TREH: variants seen among roughly 807,000 people sequenced by gnomAD.
TREH encodes the protein trehalase.
TREH carries 69 observed loss-of-function variants against 80.5 expected under a neutral mutation model. The observed-to-expected ratio is 0.86, with a 90% CI of 0.71 to 1.05. The LOEUF is 1.05. Among genes scored for constraint, TREH ranks in the 50% least tolerant of loss-of-function variants. The pLI is 0.00. For synonymous variants in TREH, 309 were observed against 293.5 expected, an observed-to-expected ratio of 1.05 and a Z score of -0.54; for missense variants, 716 against 718.8, an observed-to-expected ratio of 1.00 and a Z score of 0.04.
At chr11:118,668,304 AT>A (rs1555145865) in intron 1 of TREH, among the ~76,000 whole-genome samples, 26 of 144,082 alleles carry the variant, frequency 1.8e-4, no homozygotes, top group African/African-American at 2.6e-4. Flanking sequence ...AAAAAAAAAA[AT>A]AAAACTATGG....
chr11:118,671,926 A>T (rs1454759910), intron 1 of TREH, among the ~76,000 whole-genome samples: 3 of 152,138 alleles, frequency 2.0e-5, no homozygotes, highest in Non-Finnish European at 2.9e-5. Context: ...TGCTGAAGGA[A>T]AAAAAAACTT....
intron 10 of TREH, 79 bp from the exon 11 acceptor site, chr11:118,660,043 C>G: frequency 7.4e-7 from 1 of 1,344,830 alleles, no homozygotes; most frequent in Non-Finnish European, 1.0e-6. Context: ...TCTACTTTAG[C>G]CTCCCCGCTT....
chr11:118,668,114 C>T (rs1565528809), intron 1 of TREH, among the ~76,000 whole-genome samples: 1 of 152,198 alleles, frequency 6.6e-6, no homozygotes, highest in Non-Finnish European at 1.5e-5. Flanking sequence ...ATCCAGCTGC[C>T]TCGACCTCCT....
chr11:118,678,470 T>C (rs1949502106), intron 1 of TREH, among the ~76,000 whole-genome samples: 1 of 151,948 alleles, frequency 6.6e-6, no homozygotes, highest in Admixed American at 6.6e-5. Context: ...TTCAAGCGAC[T>C]CTCCTGCCTC....
rs782434922 is a variant in TREH at position 118,674,861 on chromosome 11, A to G, written c.89+4678T>C. 1.3e-5 allele frequency among the ~76,000 whole-genome samples: 2 copies of G among 151,964 alleles called. No homozygotes were observed. Among genetic ancestry groups the G allele is most frequent in the Non-Finnish European group, 1.5e-5 (1 of 67,992 alleles). ...CTGGCTGCATTTTTATATTCTCTCA[A>G]TCTCATTGCAGTGCCCATCAGGACT... On this transcript the variant is annotated intron_variant, in intron 1 of 14. Coordinates refer to ENST00000264029, the MANE Select transcript of TREH (RefSeq NM_007180.3). The surrounding 1 kb of genome is among the most constrained non-coding windows in gnomAD (Gnocchi z 4.4).
intron 1 of TREH, among the ~76,000 whole-genome samples, chr11:118,678,125 C>T (rs1367268479): frequency 2.6e-5 from 4 of 152,130 alleles, no homozygotes; most frequent in Non-Finnish European, 5.9e-5. Flanking sequence ...TCACACAGGC[C>T]TTCGTCCCAA....
intron 1 of TREH, among the ~76,000 whole-genome samples, chr11:118,676,822 A>G (rs531390959): frequency 7.5e-4 from 111 of 148,510 alleles, no homozygotes; most frequent in African/African-American, 2.7e-3. Flanking sequence ...ATCAGGGACC[A>G]CTATTAATAA....
rs1949298868 is a variant in TREH, at chr11:118,659,942, C to T, written c.1125G>A (p.Lys375=). The change falls in exon 11 of 15, where the codon AAG becomes AAA. Residue 375 remains lysine, a synonymous_variant. Coordinates refer to ENST00000264029, the MANE Select transcript of TREH (RefSeq NM_007180.3). ...AGCGCTGCGACCGCAGGATTCTGTA[C>T]TTCGTGGCCTGGGAGTCGTTCCCTG... is the stretch of plus-strand genomic sequence containing the variant. The part of the protein sequence containing the change: ...SRLGNDSQAT[K]YRILRSQRLA... 10 of 1,551,608 alleles carry T rather than the reference C, an allele frequency of 6.4e-6. No homozygotes were observed. The highest frequency in any genetic ancestry group is 8.7e-6 in the Non-Finnish European group (10 of 1,147,010).
At position 118,659,924 on chromosome 11, in the gene TREH, C is replaced by T. The variant is rs1364155821; in HGVS notation, c.1143G>A (p.Ser381=). ...SQATKYRILR[S]QRLAALNTVL... Reference sequence around the variant, plus strand: ...CTGTGTTCAGGGCGGCCAAGCGCTGCGACCGCAGGATTCTGTACTTCGTGG... The same window carrying T: ...CTGTGTTCAGGGCGGCCAAGCGCTGTGACCGCAGGATTCTGTACTTCGTGG... Residue 381 remains serine (S), a synonymous_variant, in exon 11 of 15, where the codon TCG becomes TCA. Transcript: ENST00000264029. 13 of 1,551,574 alleles carry T rather than the reference C, an allele frequency of 8.4e-6. No homozygotes were observed. Among genetic ancestry groups the T allele is most frequent in the East Asian group, 2.4e-5 (1 of 40,924 alleles).
At chr11:118,677,908 T>C (rs986371795) in intron 1 of TREH, among the ~76,000 whole-genome samples, 2 of 152,206 alleles carry the variant, frequency 1.3e-5, no homozygotes, top group Admixed American at 6.5e-5. Context: ...TTACAATTGC[T>C]CAGGACAAAA....
Position 118,657,602 on chromosome 11 carries a change from C to T in TREH, c.*687G>A, listed in dbSNP as rs1949186280. The T allele has an allele frequency of 6.5e-6, 1 of 153,198 alleles. No homozygotes were observed. Among genetic ancestry groups the T allele is most frequent in the Non-Finnish European group, 1.5e-5 (1 of 68,494 alleles). 9.5% of individuals were successfully genotyped at this position (153,198 alleles called of 1,614,324 possible). On this transcript the variant is annotated 3_prime_UTR_variant, in exon 15 of 15. Transcript: ENST00000264029. ...CCCCCCAGTCCAGCCCTCTCCCTTC[C>T]ACTGGTGCCTTGCTTAGAGCCAGAA...
chr11:118,666,569 G>A (rs929961441), intron 1 of TREH, among the ~76,000 whole-genome samples: 12 of 152,194 alleles, frequency 7.9e-5, no homozygotes, highest in African/African-American at 2.9e-4. Context: ...CTAGCAATGC[G>A]CCAGAGACTT....
intron 1 of TREH, among the ~76,000 whole-genome samples, chr11:118,663,851 A>G (rs116014487): frequency 0.016 from 2,407 of 152,304 alleles, 72 homozygotes; most frequent in African/African-American, 0.053. Flanking sequence ...AGATTGGGCC[A>G]GAACATTTCC....
At chr11:118,659,661 A>C (rs1218845266) in intron 11 of TREH, 86 bp downstream of exon 11, 1 of 1,481,916 alleles carries the variant, frequency 6.7e-7, no homozygotes, top group South Asian at 1.2e-5. Context: ...TAGCCGGAGG[A>C]AGCGCCCTCC....
rs35368922 is a variant in TREH at position 118,678,357 on chromosome 11, C to CTAT, written c.89+1179_89+1181dup. On this transcript the variant is annotated intron_variant, in intron 1 of 14. Transcript: ENST00000264029. ...CTGTGCTTCTGTTACTGTTTTGCTT[C>CTAT]TATTATTATTATTATTATTATTTGA... Among the ~76,000 whole-genome samples, 101 of 151,128 alleles carry CTAT rather than the reference C, an allele frequency of 6.7e-4. 1 individual carries two copies. The East Asian group carries it at 8.4e-3, about 13-fold the overall frequency.
intron 2 of TREH, 21 bp downstream of exon 2, chr11:118,663,318 G>A (rs782710430): frequency 1.5e-5 from 23 of 1,571,206 alleles, no homozygotes; most frequent in African/African-American, 4.1e-5. Flanking sequence ...TGGAGAGGAC[G>A]TTCAGCCCTA....
chr11:118,675,516 G>C (rs782257214), intron 1 of TREH, among the ~76,000 whole-genome samples: 1 of 152,088 alleles, frequency 6.6e-6, no homozygotes, highest in African/African-American at 2.4e-5. Context: ...AAAAGCTTAC[G>C]GTTATGCTTA....
chr11:118,663,246 C>T (rs1949345224), intron 2 of TREH, 50 bp from the exon 3 acceptor site: 1 of 1,571,136 alleles, frequency 6.4e-7, no homozygotes, highest in South Asian at 1.2e-5. Context: ...CAAGCCACTC[C>T]CTAATCACAG....
intron 11 of TREH, 101 bp downstream of exon 11, chr11:118,659,644 AGG>A: frequency 7.0e-7 from 1 of 1,429,942 alleles, no homozygotes; most frequent in Non-Finnish European, 9.5e-7. Flanking sequence ...GGCTGGGACA[AGG>A]GGCATAGCCG....
Sources: allele counts gnomAD v4.1 joint callset (sites outside exome capture counted in the v4.1 genomes callset), GRCh38; gene constraint gnomAD v4.1.1; non-coding constraint Gnocchi (gnomAD v3.1); transcripts MANE v1.5; gene names NCBI Gene and HGNC (gene_info 2026-07-23, HGNC 2026-07-21).